The following TCF4 variants were observed in gnomAD, a reference collection of about 807,000 sequenced individuals.
The protein encoded by TCF4 is transcription factor 4.
In TCF4, 3 loss-of-function variants were observed where a neutral mutation model predicts 82.1. The ratio of observed to expected loss-of-function variants is 0.04; its 90% CI spans 0.02 to 0.09. The LOEUF (loss-of-function observed/expected upper bound fraction) is 0.09, where lower values mean the gene tolerates loss of function less well. TCF4 is among the 10% of genes least tolerant of loss of function. The pLI, the probability that TCF4 is intolerant of heterozygous loss-of-function variation, is 1.00. For synonymous variants in TCF4, 276 were observed against 309.6 expected (o/e 0.89, Z 1.14); for missense variants, 518 against 852.7 (o/e 0.61, Z 4.89).
intron 5 of TCF4, chr18:55,422,644 T>A: frequency 3.8e-6 from 1 of 260,530 alleles, no homozygotes; most frequent in Non-Finnish European, 6.0e-6. Context: ...TTTTCTTCCC[T>A]GAAAAGTTGG....
intron 8 of TCF4, among the ~76,000 whole-genome samples, chr18:55,310,699 A>G (rs1382652536): frequency 6.6e-6 from 1 of 152,190 alleles, no homozygotes; most frequent in African/African-American, 2.4e-5. Context: ...TTAAATTTTA[A>G]TCTTTTCTTG....
chr18:55,511,941 A>G (rs1353352370), intron 3 of TCF4, among the ~76,000 whole-genome samples: 1 of 135,168 alleles, frequency 7.4e-6, no homozygotes, highest in Non-Finnish European at 1.7e-5. Flanking sequence ...GAGCTAAACT[A>G]AATGGCATGT....
chr18:55,559,520 ACTAGGAC>A (rs2097336500), intron 3 of TCF4, among the ~76,000 whole-genome samples: 1 of 152,160 alleles, frequency 6.6e-6, no homozygotes, highest in Non-Finnish European at 1.5e-5. Flanking sequence ...ATACAAAGAA[ACTAGGAC>A]CTATAAAATT....
intron 6 of TCF4, among the ~76,000 whole-genome samples, chr18:55,380,279 T>A (rs914539415): frequency 3.2e-4 from 48 of 151,534 alleles, no homozygotes; most frequent in Admixed American, 6.6e-4. Context: ...TTTTTTTTTT[T>A]AAATTATACT....
At chr18:55,249,441 G>A (rs1354917702) in intron 15 of TCF4, among the ~76,000 whole-genome samples, 1 of 152,184 alleles carries the variant, frequency 6.6e-6, no homozygotes, top group Admixed American at 6.5e-5. Flanking sequence ...AAGGGATGCT[G>A]TGGAGGACAG....
At chr18:55,428,742 G>T (rs1038583895) in intron 5 of TCF4, among the ~76,000 whole-genome samples, 2 of 152,138 alleles carry the variant, frequency 1.3e-5, no homozygotes, top group African/African-American at 4.8e-5. Context: ...CACAGAGCAT[G>T]GATTTCAGGC....
At chr18:55,589,945 T>C (rs1316939188), upstream of TCF4, 2 of 572,670 alleles carry the variant, frequency 3.5e-6, no homozygotes, top group South Asian at 7.8e-5. Flanking sequence ...CCACGCCTCC[T>C]CCGGGAGCGG....
In TCF4 at chr18:55,362,422, GAAGGAAGGAAGGAAAA is replaced by G. The variant is rs1353032366; in HGVS notation, c.370-11435_370-11420del. ...GGAAGGAAGGAAGGAAGGAAGGAAG[GAAGGAAGGAAGGAAAA>G]AAAAAAAGAAGAAAACATGTATCTG... On this transcript the variant is annotated intron_variant, in intron 6 of 19. Coordinates refer to ENST00000354452, the MANE Select transcript of TCF4 (RefSeq NM_001083962.2). Among the ~76,000 whole-genome samples, 29 of 137,678 alleles carry G rather than the reference GAAGGAAGGAAGGAAAA, an allele frequency of 2.1e-4. 1 individual carries two copies. The highest frequency in any genetic ancestry group is 6.3e-4 in the African/African-American group (23 of 36,590). 90.3% of individuals were successfully genotyped at this position (137,678 alleles called of 152,430 possible). A position where few individuals can be genotyped will look rare whatever the true frequency, so the allele number is the denominator to read the frequency against.
intron 3 of TCF4, among the ~76,000 whole-genome samples, chr18:55,528,281 T>C (rs1445671554): frequency 6.6e-6 from 1 of 152,192 alleles, no homozygotes. Context: ...GTTTGGTAAG[T>C]AATTTGGTGG....
At chr18:55,262,151 T>C (rs1385406994) in intron 11 of TCF4, among the ~76,000 whole-genome samples, 3 of 152,228 alleles carry the variant, frequency 2.0e-5, no homozygotes, top group Admixed American at 2.0e-4. Flanking sequence ...AAAGTCAATA[T>C]GGCCTCGAAT....
At chr18:55,316,326 A>T (rs930661613) in intron 8 of TCF4, among the ~76,000 whole-genome samples, 6 of 152,122 alleles carry the variant, frequency 3.9e-5, no homozygotes, top group African/African-American at 1.2e-4. Context: ...AAATTTTCTG[A>T]ATGAGTAAAC....
intron 8 of TCF4, among the ~76,000 whole-genome samples, chr18:55,300,113 C>T (rs1020757322): frequency 3.3e-5 from 5 of 151,986 alleles, no homozygotes; most frequent in African/African-American, 1.2e-4. Context: ...CACACACACA[C>T]ACACACACAC....
chr18:55,477,317 CTA>C (rs2145408658), intron 3 of TCF4, among the ~76,000 whole-genome samples: 1 of 152,202 alleles, frequency 6.6e-6, no homozygotes, highest in East Asian at 1.9e-4. Context: ...GGTAGATGCC[CTA>C]TATAAAAGAG....
chr18:55,589,771 T>C, upstream of TCF4: 2 of 1,013,676 alleles, frequency 2.0e-6, no homozygotes, highest in Non-Finnish European at 2.4e-6. Flanking sequence ...AAAGATACAT[T>C]GTAATCCATT....
At chr18:55,375,541 T>G (rs1205583707) in intron 6 of TCF4, among the ~76,000 whole-genome samples, 1 of 152,130 alleles carries the variant, frequency 6.6e-6, no homozygotes, top group Non-Finnish European at 1.5e-5. Flanking sequence ...TCTTTGCCAA[T>G]GTACTAGCAC....
intron 8 of TCF4, among the ~76,000 whole-genome samples, chr18:55,349,894 C>G (rs977614295): frequency 6.6e-6 from 1 of 152,052 alleles, no homozygotes; most frequent in African/African-American, 2.4e-5. Flanking sequence ...ACCTTTGCAG[C>G]CTTTATTCAG....
intron 5 of TCF4, among the ~76,000 whole-genome samples, chr18:55,420,435 C>A (rs928247104): frequency 6.6e-6 from 1 of 152,160 alleles, no homozygotes; most frequent in African/African-American, 2.4e-5. Context: ...TCTTCTAACC[C>A]GCTTTTGGAA....
intron 6 of TCF4, among the ~76,000 whole-genome samples, chr18:55,373,310 T>C (rs2089848742): frequency 6.6e-6 from 1 of 152,226 alleles, no homozygotes; most frequent in African/African-American, 2.4e-5. Flanking sequence ...GGATATTTCA[T>C]ACTGATGAAA....
At chr18:55,486,449 G>A (rs1469676831) in intron 3 of TCF4, among the ~76,000 whole-genome samples, 5 of 152,004 alleles carry the variant, frequency 3.3e-5, no homozygotes, top group African/African-American at 7.2e-5. Flanking sequence ...AAAATTAGCC[G>A]GGCGTGGTGG....
Sources: gnomAD v4.1 joint callset for allele counts (sites outside exome capture counted in the v4.1 genomes callset) on GRCh38, gnomAD v4.1.1 for gene constraint, MANE v1.5 for transcripts, NCBI Gene and HGNC (gene_info 2026-07-23, HGNC 2026-07-21) for gene names.